The following CDC42BPA variants were observed in gnomAD, a reference collection of about 807,000 sequenced individuals.
CDC42BPA encodes the protein serine/threonine-protein kinase MRCK alpha.
A neutral mutation model predicts 223.5 loss-of-function variants in CDC42BPA; 80 were observed. The ratio of observed to expected loss-of-function variants is 0.36; its 90% CI spans 0.30 to 0.43. The LOEUF (loss-of-function observed/expected upper bound fraction) is 0.43. CDC42BPA is among the 20% of genes least tolerant of loss of function. The probability of loss-of-function intolerance (pLI) is 1.00; values close to 1 mark genes in which losing one functional copy is unlikely to be tolerated. For synonymous variants in CDC42BPA, 694 were observed against 718.6 expected, an observed-to-expected ratio of 0.97 and a Z score of 0.55; for missense variants, 1,743 against 2,099.9, an observed-to-expected ratio of 0.83 and a Z score of 3.32.
At chr1:227,137,937 A>T (rs1658923963) in intron 10 of CDC42BPA, among the ~76,000 whole-genome samples, 1 of 152,170 alleles carries the variant, frequency 6.6e-6, no homozygotes, top group African/African-American at 2.4e-5. Context: ...GGTGAAGGTT[A>T]CATCAGTGTA....
chr1:227,020,565 A>G (rs1386504416), intron 32 of CDC42BPA, among the ~76,000 whole-genome samples: 1 of 152,228 alleles, frequency 6.6e-6, no homozygotes, highest in Non-Finnish European at 1.5e-5. Context: ...TTTCTTCTGC[A>G]GGTTCCTGAT....
chr1:227,018,104 T>C (rs1198418142), intron 32 of CDC42BPA, among the ~76,000 whole-genome samples: 1 of 151,608 alleles, frequency 6.6e-6, no homozygotes, highest in Admixed American at 6.6e-5. Flanking sequence ...TGAAGTGTAG[T>C]GGCACCATGA....
intron 2 of CDC42BPA, among the ~76,000 whole-genome samples, chr1:227,241,042 CA>C (rs1171395505): frequency 6.6e-6 from 1 of 151,866 alleles, no homozygotes. Flanking sequence ...AAAGACTGAG[CA>C]AAAAATTTGA....
intron 1 of CDC42BPA, among the ~76,000 whole-genome samples, chr1:227,257,588 A>C (rs1355677458): frequency 1.3e-5 from 2 of 150,656 alleles, no homozygotes; most frequent in South Asian, 2.1e-4. Flanking sequence ...TGTCTCTACC[A>C]AAAATACAAA....
intron 2 of CDC42BPA, among the ~76,000 whole-genome samples, chr1:227,249,350 A>C (rs1440850051): frequency 6.6e-6 from 1 of 152,242 alleles, no homozygotes; most frequent in Non-Finnish European, 1.5e-5. Context: ...CATTGGTGAA[A>C]ATCTCCAGGA....
chr1:227,025,373 T>C (rs1425350324), intron 31 of CDC42BPA, among the ~76,000 whole-genome samples: 1 of 152,248 alleles, frequency 6.6e-6, no homozygotes, highest in Non-Finnish European at 1.5e-5. Context: ...ACTGCTATTA[T>C]GATTTTAAAT....
chr1:227,065,118 A>AATTAATTAATT (rs1211652507), intron 21 of CDC42BPA, among the ~76,000 whole-genome samples: 3 of 150,422 alleles, frequency 2.0e-5, no homozygotes, highest in African/African-American at 7.5e-5. Flanking sequence ...ATAAATAAAT[A>AATTAATTAATT]AATAAATTAA....
At chr1:227,207,689 A>G (rs1444125189) in intron 3 of CDC42BPA, among the ~76,000 whole-genome samples, 1 of 151,190 alleles carries the variant, frequency 6.6e-6, no homozygotes, top group Non-Finnish European at 1.5e-5. Context: ...TACAAAGGAC[A>G]TGAACTCATC....
At chr1:227,188,334 T>C (rs928044327) in intron 5 of CDC42BPA, among the ~76,000 whole-genome samples, 2 of 152,190 alleles carry the variant, frequency 1.3e-5, no homozygotes, top group Middle Eastern at 3.4e-3. Flanking sequence ...AGTTGTAAAT[T>C]TATATTGCAA....
rs569879499 is a variant in CDC42BPA at position 227,129,666 on chromosome 1, CAAAAAA to C, written c.1391-441_1391-436del. Among the ~76,000 whole-genome samples, 37 of 33,916 alleles carry C rather than the reference CAAAAAA, an allele frequency of 1.1e-3. 1 individual carries two copies. Among genetic ancestry groups the C allele is most frequent in the East Asian group, 4.1e-3 (3 of 726 alleles). The allele number at this position is 33,916 out of a possible 152,430, so 22.3% of individuals were successfully genotyped here. A position where few individuals can be genotyped will look rare whatever the true frequency, so the allele number is the denominator to read the frequency against. On this transcript the variant is annotated intron_variant, in intron 10 of 36. Coordinates refer to ENST00000366766, the MANE Select transcript of CDC42BPA (RefSeq NM_001394014.1). Reference sequence around the variant, plus strand: ...TGGGAGACAAAGTGAGACTGTATCTCAAAAAAAAAAAAAAAAAAAAAAAAAAAATCC... The same window carrying C: ...TGGGAGACAAAGTGAGACTGTATCTCAAAAAAAAAAAAAAAAAAAAAATCC...
At chr1:227,113,270 C>G (rs1687220697) in intron 12 of CDC42BPA, among the ~76,000 whole-genome samples, 1 of 152,232 alleles carries the variant, frequency 6.6e-6, no homozygotes. Flanking sequence ...TTGCCCTTGA[C>G]ATGGAGGCTA....
intron 2 of CDC42BPA, among the ~76,000 whole-genome samples, chr1:227,248,664 A>G (rs1681426133): frequency 6.6e-6 from 1 of 152,160 alleles, no homozygotes; most frequent in East Asian, 1.9e-4. Flanking sequence ...AAAAATGTAA[A>G]AATTCATCAA....
At chr1:226,996,661 T>A (rs567397217) in intron 35 of CDC42BPA, among the ~76,000 whole-genome samples, 4 of 152,346 alleles carry the variant, frequency 2.6e-5, no homozygotes, top group African/African-American at 9.6e-5. Flanking sequence ...TATTGAGTTT[T>A]TAGTATAAAG....
rs1281719333 is a variant in CDC42BPA, at chr1:227,132,731, T to C, written c.1391-3500A>G. On this transcript the variant is annotated intron_variant, in intron 10 of 36. Transcript: ENST00000366766. ...CATCCCATCTAGGAAGTGAGGAGCGTCTCTGCCCGCCCGCCCATCGTCTGG... is the reference window on the plus strand; with the variant it reads ...CATCCCATCTAGGAAGTGAGGAGCGCCTCTGCCCGCCCGCCCATCGTCTGG... 2.1e-5 allele frequency among the ~76,000 whole-genome samples: 3 copies of C among 145,798 alleles called. No individual in the cohort carries two copies. In the South Asian group the frequency reaches 6.5e-4, roughly 32 times the overall value.
At position 227,138,413 on chromosome 1, in the gene CDC42BPA, G is replaced by T. The variant is rs957195956; in HGVS notation, c.1390+1163C>A. Among the ~76,000 whole-genome samples the T allele has an allele frequency of 2.7e-5, 4 of 147,806 alleles. No individual in the cohort carries two copies. In the East Asian group the frequency reaches 8.0e-4, roughly 30 times the overall value. On this transcript the variant is annotated intron_variant, in intron 10 of 36. Coordinates refer to ENST00000366766, the MANE Select transcript of CDC42BPA (RefSeq NM_001394014.1). ...CAATTAGAGACTTGCTTCAAATAGA[G>T]AATATTCTAACATTCAAAGGTCGAA...
intron 2 of CDC42BPA, 84 bp downstream of exon 2, chr1:227,253,980 C>T (rs1682615150): frequency 1.3e-6 from 1 of 785,328 alleles, no homozygotes; most frequent in African/African-American, 1.8e-5. Context: ...TAACAAGTAA[C>T]AATACTTGTT....
At chr1:227,165,890 G>GT (rs1306982030) in intron 5 of CDC42BPA, among the ~76,000 whole-genome samples, 2 of 152,068 alleles carry the variant, frequency 1.3e-5, no homozygotes, top group Non-Finnish European at 2.9e-5. Flanking sequence ...TTTTGTATTA[G>GT]TTTTTTCTTT....
chr1:227,263,451 ATAG>A (rs1302339394), intron 1 of CDC42BPA, among the ~76,000 whole-genome samples: 1 of 151,990 alleles, frequency 6.6e-6, no homozygotes, highest in Non-Finnish European at 1.5e-5. Flanking sequence ...AATTTACAGC[ATAG>A]TGGTCATGAT....
chr1:227,194,334 T>C (rs1054484925), intron 4 of CDC42BPA, among the ~76,000 whole-genome samples: 1 of 152,088 alleles, frequency 6.6e-6, no homozygotes, highest in African/African-American at 2.4e-5. Context: ...AGTCCCTACA[T>C]TGAAAGAAAT....
Sources: gnomAD v4.1 joint callset for allele counts (sites outside exome capture counted in the v4.1 genomes callset) on GRCh38, gnomAD v4.1.1 for gene constraint, MANE v1.5 for transcripts, NCBI Gene and HGNC (gene_info 2026-07-23, HGNC 2026-07-21) for gene names.